MALRD1: variants seen among roughly 807,000 people sequenced by gnomAD.
The protein encoded by MALRD1 is MAM and LDL receptor class A domain containing 1.
In MALRD1, 247 loss-of-function variants were observed where a neutral mutation model predicts 242.1. The observed-to-expected ratio is 1.02, with a 90% confidence interval of 0.92 to 1.13. The LOEUF (loss-of-function observed/expected upper bound fraction) is 1.13, where lower values mean the gene tolerates loss of function less well. Ranked by LOEUF, MALRD1 falls within the 50% of genes most tolerant of loss-of-function variation. The probability of loss-of-function intolerance (pLI) is 0.00; values close to 1 mark genes in which losing one functional copy is unlikely to be tolerated. For missense variants in MALRD1, 2,989 were observed against 2,533.1 expected, an observed-to-expected ratio of 1.18 and a Z score of -3.86; for synonymous variants, 995 against 866.6, an observed-to-expected ratio of 1.15 and a Z score of -2.60.
upstream of MALRD1, among the ~76,000 whole-genome samples, chr10:19,047,380 G>A (rs1334198816): frequency 6.7e-6 from 1 of 149,400 alleles, no homozygotes; most frequent in Non-Finnish European, 1.5e-5. Flanking sequence ...GTGTGTGTGT[G>A]TGTGTCTGCG....
chr10:19,382,758 T>C (rs1363429458), intron 26 of MALRD1, among the ~76,000 whole-genome samples: 2 of 152,096 alleles, frequency 1.3e-5, no homozygotes, highest in African/African-American at 2.4e-5. Flanking sequence ...GCTCACTGAG[T>C]AGGAGCTGTT....
At chr10:19,458,050 A>G (rs1183243616) in intron 29 of MALRD1, among the ~76,000 whole-genome samples, 2 of 152,100 alleles carry the variant, frequency 1.3e-5, no homozygotes, top group African/African-American at 2.4e-5. Context: ...GACTATTTTT[A>G]TACTAGGTTT....
At chr10:19,667,730 C>T (rs1316135489) in intron 36 of MALRD1, among the ~76,000 whole-genome samples, 1 of 152,160 alleles carries the variant, frequency 6.6e-6, no homozygotes, top group East Asian at 1.9e-4. Context: ...GCAGATGCAG[C>T]ACCATGCTTT....
intron 19 of MALRD1, among the ~76,000 whole-genome samples, chr10:19,272,191 G>A (rs541900046): frequency 5.5e-4 from 84 of 151,886 alleles, no homozygotes; most frequent in African/African-American, 9.4e-4. Context: ...GAAACATCTC[G>A]AATATTAGAG....
intron 19 of MALRD1, among the ~76,000 whole-genome samples, chr10:19,271,573 C>T (rs1320931197): frequency 6.6e-6 from 1 of 152,082 alleles, no homozygotes; most frequent in Non-Finnish European, 1.5e-5. Context: ...ACCATCCTGG[C>T]TAACACGGTG....
intron 36 of MALRD1, among the ~76,000 whole-genome samples, chr10:19,626,681 T>C (rs1839668869): frequency 6.6e-6 from 1 of 151,240 alleles, no homozygotes; most frequent in South Asian, 2.1e-4. Context: ...TAAAGAGTGC[T>C]GAAAAGCACA....
At chr10:19,135,564 T>G (rs915368780) in intron 9 of MALRD1, among the ~76,000 whole-genome samples, 21 of 152,216 alleles carry the variant, frequency 1.4e-4, no homozygotes, top group African/African-American at 5.1e-4. Context: ...CCACATTTAG[T>G]GCTGTTTAAT....
intron 12 of MALRD1, among the ~76,000 whole-genome samples, chr10:19,156,020 G>T (rs971563660): frequency 4.6e-5 from 7 of 152,096 alleles, no homozygotes; most frequent in South Asian, 4.1e-4. Context: ...GCTCCAACAT[G>T]CCTCTCGGCC....
At chr10:19,471,821 T>TC (rs1332428979) in intron 29 of MALRD1, among the ~76,000 whole-genome samples, 5 of 151,606 alleles carry the variant, frequency 3.3e-5, no homozygotes, top group Admixed American at 6.6e-5. Context: ...AGGGTTTTCT[T>TC]TGTGGATTCT....
rs1035784026 is a variant in MALRD1 at position 19,283,156 on chromosome 10, C to T, written c.3394C>T (p.His1132Tyr). The change falls in exon 21 of 40, where the codon CAC becomes TAC. Residue 1132 changes from histidine to tyrosine, a missense_variant. Coordinates refer to ENST00000454679, the MANE Select transcript of MALRD1 (RefSeq NM_001142308.3). ...CAGCATTCATCATGGGGAAGAAAAC[C>T]ACAGGCCATCAGTGGATCATACACA... ...GISIHHGEEN[H>Y]RPSVDHTQNT... The T allele has an allele frequency of 1.3e-6, 2 of 1,547,794 alleles. No homozygotes were observed. Among genetic ancestry groups the T allele is most frequent in the South Asian group, 1.2e-5 (1 of 83,806 alleles).
intron 5 of MALRD1, among the ~76,000 whole-genome samples, chr10:19,119,941 T>G (rs1488346173): frequency 6.6e-6 from 1 of 152,180 alleles, no homozygotes; most frequent in Non-Finnish European, 1.5e-5. Context: ...CAGTCATACT[T>G]TTGCAAAGGC....
intron 33 of MALRD1, among the ~76,000 whole-genome samples, chr10:19,594,707 A>G (rs1010706295): frequency 3.0e-4 from 45 of 152,202 alleles, no homozygotes; most frequent in South Asian, 8.3e-4. Context: ...GCTGGAGGCC[A>G]TTATTCTAAA....
At chr10:19,059,243 A>G (rs1005521731) in intron 1 of MALRD1, among the ~76,000 whole-genome samples, 5 of 152,328 alleles carry the variant, frequency 3.3e-5, no homozygotes, top group African/African-American at 9.6e-5. Flanking sequence ...CCATCAATAT[A>G]TGCATTGTAC....
Position 19,483,562 on chromosome 10 carries a change from A to G in MALRD1, c.5030-7955A>G, listed in dbSNP as rs560177899. 2.0e-5 allele frequency among the ~76,000 whole-genome samples: 3 copies of G among 152,310 alleles called. No individual in the cohort carries two copies. In the East Asian group the frequency reaches 5.8e-4, roughly 29 times the overall value. On this transcript the variant is annotated intron_variant, in intron 29 of 39. Transcript: ENST00000454679. ...AAAATGTTCCACATCACCAGTCTTC[A>G]GAGAAATGCAAATTAAAGCCACAAT...
At chr10:19,640,581 C>T (rs569005844) in intron 36 of MALRD1, among the ~76,000 whole-genome samples, 1 of 152,114 alleles carries the variant, frequency 6.6e-6, no homozygotes, top group Non-Finnish European at 1.5e-5. Context: ...TTCCTTTCTA[C>T]TCTAACCCTG....
At chr10:19,418,665 A>G (rs188448890) in intron 28 of MALRD1, among the ~76,000 whole-genome samples, 23 of 152,334 alleles carry the variant, frequency 1.5e-4, no homozygotes, top group African/African-American at 4.6e-4. Context: ...TATTTTAATC[A>G]TGAAATGTGA....
At chr10:19,674,877 G>T (rs1842072317) in intron 36 of MALRD1, among the ~76,000 whole-genome samples, 1 of 146,522 alleles carries the variant, frequency 6.8e-6, no homozygotes, top group Admixed American at 6.8e-5. Context: ...TTTCTATCCA[G>T]CTCCAGGGAA....
chr10:19,167,390 T>C (rs1834739749), intron 13 of MALRD1, among the ~76,000 whole-genome samples: 1 of 151,906 alleles, frequency 6.6e-6, no homozygotes, highest in Non-Finnish European at 1.5e-5. Context: ...TGTATGATTA[T>C]AGGGAAGTTA....
intron 5 of MALRD1, among the ~76,000 whole-genome samples, chr10:19,106,473 C>G (rs931635770): frequency 1.3e-5 from 2 of 151,598 alleles, no homozygotes; most frequent in Non-Finnish European, 3.0e-5. Context: ...TTCTGTGCAA[C>G]CAGTCATAAT....
Sources: gnomAD v4.1 joint callset for allele counts (sites outside exome capture counted in the v4.1 genomes callset) on GRCh38, gnomAD v4.1.1 for gene constraint, MANE v1.5 for transcripts, NCBI Gene and HGNC (gene_info 2026-07-23, HGNC 2026-07-21) for gene names.